Variants in HARS2 observed in about 807,000 individuals in gnomAD.
HARS2 encodes histidyl-tRNA synthetase 2, mitochondrial.
HARS2 carries 40 observed loss-of-function variants against 62.4 expected under a neutral mutation model. The observed-to-expected ratio is 0.64, with a 90% CI of 0.50 to 0.83. The LOEUF (loss-of-function observed/expected upper bound fraction) is 0.83, where lower values mean the gene tolerates loss of function less well. HARS2 is among the 40% of genes least tolerant of loss of function. The probability of loss-of-function intolerance (pLI) is 0.00; values close to 1 mark genes in which losing one functional copy is unlikely to be tolerated. For missense variants in HARS2, 569 were observed against 626.4 expected (o/e 0.91, Z 0.98); for synonymous variants, 228 against 227.0 (o/e 1.00, Z -0.04).
chr5:140,693,158 C>A (rs886443669), intron 1 of HARS2, among the ~76,000 whole-genome samples: 3 of 151,580 alleles, frequency 2.0e-5, no homozygotes, highest in African/African-American at 4.9e-5. Context: ...ATGGTGAAAC[C>A]CCATCTCTAC....
At position 140,698,816 on chromosome 5, in the gene HARS2, G is replaced by A. The variant is rs1223289136; in HGVS notation, c.*264G>A. 2 of 524,002 alleles carry A rather than the reference G, an allele frequency of 3.8e-6. No homozygotes were observed. The highest frequency in any genetic ancestry group is 3.5e-5 in the East Asian group (1 of 28,490). The allele number at this position is 524,002 out of a possible 1,614,324, so 32.5% of individuals were successfully genotyped here. A position where few individuals can be genotyped will look rare whatever the true frequency, so the allele number is the denominator to read the frequency against. ...TGCAGAGGCAAATTTGAAGTGCCAC[G>A]GAACGTTGTCAAGAGGTAGTGAGAT... On this transcript the variant is annotated 3_prime_UTR_variant, in exon 13 of 13. Coordinates refer to ENST00000230771, the MANE Select transcript of HARS2 (RefSeq NM_012208.4).
chr5:140,693,642 A>G lies in HARS2; in HGVS notation c.160A>G (p.Asn54Asp). Residue 54 changes from asparagine to aspartate, a missense_variant, in exon 2 of 13, where the codon AAT becomes GAT. Coordinates refer to ENST00000230771, the MANE Select transcript of HARS2 (RefSeq NM_012208.4). ...ACTGAAAGCACATCAAGAGAAACCA[A>G]ATTTTATTATCAAGACCCCAAAGGT... ...SQLKAHQEKP[N>D]FIIKTPKGTR... is the part of the protein sequence containing the mutation. 1 of 1,613,958 alleles carries G rather than the reference A, an allele frequency of 6.2e-7. No homozygotes were observed. Among genetic ancestry groups the G allele is most frequent in the Non-Finnish European group, 8.5e-7 (1 of 1,179,866 alleles).
chr5:140,695,147 C>G (rs755146899), intron 4 of HARS2, among the ~76,000 whole-genome samples: 1 of 152,200 alleles, frequency 6.6e-6, no homozygotes, highest in Non-Finnish European at 1.5e-5. Context: ...CCTGCACTTT[C>G]AGAACCAGTA....
chr5:140,696,206 CAAAG>C lies in HARS2; in HGVS notation c.732+8_732+11del, dbSNP rs766254601. The C allele has an allele frequency of 3.5e-5, 55 of 1,577,364 alleles. No individual in the cohort carries two copies. The highest frequency in any genetic ancestry group is 1.7e-4 in the Middle Eastern group (1 of 6,012). On this transcript the variant is annotated splice_donor_region_variant and intron_variant, in intron 7 of 12. Coordinates refer to ENST00000230771, the MANE Select transcript of HARS2 (RefSeq NM_012208.4). The stretch of plus-strand genomic sequence containing the variant: ...TCCATAGATAAACTAGACAAGGTAA[CAAAG>C]AAGACATACTTCAGTAGACCCTATC...
rs572550821 is a variant in HARS2, at chr5:140,695,813, A to T, written c.601A>T (p.Ser201Cys). The T allele has an allele frequency of 6.2e-7, 1 of 1,612,868 alleles. No homozygotes were observed. Among genetic ancestry groups the T allele is most frequent in the East Asian group, 2.2e-5 (1 of 44,878 alleles). The change falls in exon 6 of 13, where the codon AGT becomes TGT. Residue 201 changes from serine (S) to cysteine (C), a missense_variant. Physicochemically the swap from Ser to Cys is moderately radical, Grantham distance 112. Coordinates refer to ENST00000230771, the MANE Select transcript of HARS2 (RefSeq NM_012208.4). ...TTTGAAGATCATGTGTGAAATCCTA[A>T]GTGGATTGCAGTTGGGAGACTTTCT... ...ECLKIMCEIL[S>C]GLQLGDFLIK...
chr5:140,698,106 G>A (rs749810587), intron 12 of HARS2, 28 bp downstream of exon 12: 1 of 1,606,098 alleles, frequency 6.2e-7, no homozygotes, highest in Non-Finnish European at 8.5e-7. Context: ...AAATAGAAGG[G>A]ACGAAGTATT....
chr5:140,692,116 T>C, intron 1 of HARS2: 1 of 265,624 alleles, frequency 3.8e-6, no homozygotes, highest in Non-Finnish European at 7.4e-6. Flanking sequence ...TCCTAGTAAA[T>C]GAGATGACTA....
chr5:140,691,704 T>C lies in HARS2; in HGVS notation c.56T>C (p.Leu19Pro), dbSNP rs1398654169. 6.4e-7 allele frequency: 1 copy of C among 1,552,658 alleles called. No individual in the cohort carries two copies. The highest frequency in any genetic ancestry group is 2.4e-5 in the East Asian group (1 of 41,058). The change falls in exon 1 of 13, where the codon CTC becomes CCC. Residue 19 changes from leucine to proline, a missense_variant. Physicochemically the swap from Leu to Pro is moderately conservative, Grantham distance 98. Transcript: ENST00000230771. ...RRAWASLLSQ[L>P]LRPPCASCTG... ...GCCTGGGCTTCGCTGCTCAGCCAGC[T>C]CCTGCGACCGCCCTGCGCTTCGTGC...
chr5:140,698,583 G>C lies in HARS2; in HGVS notation c.*31G>C. 1 of 1,551,342 alleles carries C rather than the reference G, an allele frequency of 6.4e-7. No individual in the cohort carries two copies. Among genetic ancestry groups the C allele is most frequent in the Admixed American group, 1.7e-5 (1 of 59,942 alleles). ...GCCTGATTCCCATCTGCTGCTCTTT[G>C]TAGAAAAGGTTTCCTCTAGAACTGA... On this transcript the variant is annotated 3_prime_UTR_variant, in exon 13 of 13. Coordinates refer to ENST00000230771, the MANE Select transcript of HARS2 (RefSeq NM_012208.4).
chr5:140,695,596 C>G lies in HARS2; in HGVS notation c.488C>G (p.Thr163Ser). 2 of 1,614,216 alleles carry G rather than the reference C, an allele frequency of 1.2e-6. No homozygotes were observed. Among genetic ancestry groups the G allele is most frequent in the Non-Finnish European group, 1.7e-6 (2 of 1,180,044 alleles). Residue 163 changes from threonine to serine, a missense_variant, in exon 5 of 13, where the codon ACC (threonine) becomes AGC (serine). By Grantham distance (58) the Thr-to-Ser change is moderately conservative. Coordinates refer to ENST00000230771, the MANE Select transcript of HARS2 (RefSeq NM_012208.4). The part of the protein sequence containing the change: ...VGKVWRRESP[T>S]IVQGRYREFC... ...AAGGTGTGGCGGCGAGAGAGCCCAA[C>G]CATAGTCCAAGGCCGTTATAGGGAG... is the stretch of plus-strand genomic sequence containing the variant.
chr5:140,696,828 CTTT>C (rs373912206), intron 8 of HARS2, 112 bp from the exon 9 acceptor site: 5,039 of 651,222 alleles, frequency 7.7e-3, no homozygotes, highest in Middle Eastern at 0.011. Flanking sequence ...AGACTGGGAT[CTTT>C]TTTTTTTTTT....
At position 140,698,481 on chromosome 5, in the gene HARS2, C is replaced by T. The variant is rs780893902; in HGVS notation, c.1462-12C>T. The T allele has an allele frequency of 3.4e-5, 54 of 1,593,764 alleles. No homozygotes were observed. The highest frequency in any genetic ancestry group is 4.0e-5 in the Non-Finnish European group (47 of 1,161,652). ...TTCTAGTTTATCACATGAGGATTCT[C>T]TTATGTTTCAGGTGGCCATTAAACG... On this transcript the variant is annotated splice_polypyrimidine_tract_variant and intron_variant, in intron 12 of 12. Transcript: ENST00000230771.
chr5:140,697,413 C>T lies in HARS2; in HGVS notation c.1197+7C>T. Reference sequence around the variant, plus strand: ...TGTGGAGCAGAGGATGAAGGTAGGTCCTAGATAGGTGTGAGGTGGGGCTGG... The same window carrying T: ...TGTGGAGCAGAGGATGAAGGTAGGTTCTAGATAGGTGTGAGGTGGGGCTGG... On this transcript the variant is annotated splice_region_variant and intron_variant, in intron 10 of 12. Coordinates refer to ENST00000230771, the MANE Select transcript of HARS2 (RefSeq NM_012208.4). 1.2e-6 allele frequency: 2 copies of T among 1,613,646 alleles called. No homozygotes were observed. The highest frequency in any genetic ancestry group is 8.5e-7 in the Non-Finnish European group (1 of 1,180,018).
In HARS2 at chr5:140,696,828, C is replaced by CTTTT. The variant is rs373912206; in HGVS notation, c.827-96_827-93dup. 47 of 656,406 alleles carry CTTTT rather than the reference C, an allele frequency of 7.2e-5. 2 individuals carry two copies. Among genetic ancestry groups the CTTTT allele is most frequent in the African/African-American group, 1.6e-4 (7 of 43,312 alleles). 40.7% of individuals were successfully genotyped at this position (656,406 alleles called of 1,614,324 possible). ...GGGTCTTGTCATGTGAGACTGGGAT[C>CTTTT]TTTTTTTTTTTTTTTTTTTTTTAAA... On this transcript the variant is annotated intron_variant, in intron 8 of 12. Transcript: ENST00000230771.
chr5:140,696,101 A>G lies in HARS2; in HGVS notation c.634-2A>G, dbSNP rs751859979. On this transcript the variant is annotated splice_acceptor_variant, in intron 6 of 12. Coordinates refer to ENST00000230771, the MANE Select transcript of HARS2 (RefSeq NM_012208.4). LOFTEE classifies it high-confidence loss of function. ...CTTGGGTCACTGACATTGAGTTCTC[A>G]GGTAAATGACCGGCGGATTGTGGAT... 8.0e-5 allele frequency: 129 copies of G among 1,610,126 alleles called. No individual in the cohort carries two copies. The highest frequency in any genetic ancestry group is 1.0e-4 in the Non-Finnish European group (122 of 1,176,480).
At chr5:140,695,690 A>G in intron 5 of HARS2, 48 bp from the exon 6 acceptor site, 1 of 1,613,960 alleles carries the variant, frequency 6.2e-7, no homozygotes, top group Non-Finnish European at 8.5e-7. Context: ...ACAACCTTGA[A>G]ACTGGCTGGA....
At chr5:140,698,119 T>C (rs930734103) in intron 12 of HARS2, 41 bp downstream of exon 12, 15 of 1,582,168 alleles carry the variant, frequency 9.5e-6, no homozygotes, top group African/African-American at 1.3e-5. Flanking sequence ...GAAGTATTTC[T>C]GCCTTTCCCA....
chr5:140,698,397 G>C lies in HARS2; in HGVS notation c.1462-96G>C, dbSNP rs186546393. 278 of 936,442 alleles carry C rather than the reference G, an allele frequency of 3.0e-4. No homozygotes were observed. The African/African-American group carries it at 4.0e-3, about 14-fold the overall frequency. 58.0% of individuals were successfully genotyped at this position (936,442 alleles called of 1,614,324 possible). A position where few individuals can be genotyped will look rare whatever the true frequency, so the allele number is the denominator to read the frequency against. On this transcript the variant is annotated intron_variant, in intron 12 of 12. Transcript: ENST00000230771. ...CTCCTTTCTGGTTGTATAAGTAATG[G>C]GAGAAGATGCAGAGTAAAACAAATC...
chr5:140,693,492 G>A lies in HARS2; in HGVS notation c.109-99G>A, dbSNP rs772108068. ...GTGCTTTGGCTTCCTGTTGCTCAGG[G>A]TGAAGAGTCTTTGCAGGTTGGTGGT... On this transcript the variant is annotated intron_variant, in intron 1 of 12. Transcript: ENST00000230771. The A allele has an allele frequency of 1.9e-6, 3 of 1,604,442 alleles. No homozygotes were observed. In the South Asian group the frequency reaches 3.3e-5, roughly 18 times the overall value.
Sources: gnomAD v4.1 joint callset for allele counts (sites outside exome capture counted in the v4.1 genomes callset) on GRCh38, gnomAD v4.1.1 for gene constraint, MANE v1.5 for transcripts, NCBI Gene and HGNC (gene_info 2026-07-23, HGNC 2026-07-21) for gene names.